EPB41L2: variants seen among roughly 807,000 people sequenced by gnomAD.
EPB41L2 encodes the protein band 4.1-like protein 2.
Under a neutral mutation model 113.0 loss-of-function variants are expected in EPB41L2, and 43 were observed. That is an observed-to-expected ratio of 0.38 (90% CI 0.30 to 0.49). The LOEUF (loss-of-function observed/expected upper bound fraction) is 0.49. EPB41L2 is among the 20% of genes least tolerant of loss of function. The pLI, the probability that EPB41L2 is intolerant of heterozygous loss-of-function variation, is 0.95. For missense variants in EPB41L2, 1,147 were observed against 1,223.4 expected (o/e 0.94, Z 0.93); for synonymous variants, 442 against 436.7 (o/e 1.01, Z -0.15).
chr6:130,934,213 A>G (rs995438599), intron 3 of EPB41L2, among the ~76,000 whole-genome samples: 7 of 152,188 alleles, frequency 4.6e-5, no homozygotes, highest in African/African-American at 1.7e-4. Flanking sequence ...AGCTGTCAAC[A>G]CATCTCTTTC....
chr6:130,944,934 C>A (rs188992015), intron 3 of EPB41L2, among the ~76,000 whole-genome samples: 1 of 152,264 alleles, frequency 6.6e-6, no homozygotes, highest in African/African-American at 2.4e-5. Flanking sequence ...TTACATGGCA[C>A]GGCAGTCTTT....
At chr6:130,847,202 T>A (rs1777312761) in intron 19 of EPB41L2, among the ~76,000 whole-genome samples, 1 of 152,186 alleles carries the variant, frequency 6.6e-6, no homozygotes, top group African/African-American at 2.4e-5. Context: ...CTCCCCAATC[T>A]CCAACTATCC....
chr6:131,012,632 T>C (rs182646912), intron 1 of EPB41L2, among the ~76,000 whole-genome samples: 6 of 151,438 alleles, frequency 4.0e-5, no homozygotes, highest in East Asian at 1.9e-4. Flanking sequence ...GAAAAGCCAA[T>C]AGATATCCCC....
Position 130,926,634 on chromosome 6 carries a change from G to C in EPB41L2, c.781C>G (p.Leu261Val). 6.2e-7 allele frequency: 1 copy of C among 1,608,802 alleles called. No individual in the cohort carries two copies. Among genetic ancestry groups the C allele is most frequent in the Non-Finnish European group, 8.5e-7 (1 of 1,178,506 alleles). Residue 261 changes from leucine to valine, a missense_variant, in exon 4 of 20, where the codon CTT (leucine) becomes GTT (valine). Leu to Val is a conservative substitution (Grantham distance 32, BLOSUM62 1). Transcript: ENST00000337057. ...TGCTCAGGGCTTTCCTGAAACAAAA[G>C]TCCAAAGTAGTCTTTCTCCAAGAGA... ...LNLLEKDYFGLLFQESPEQKN... is the reference protein window; with the variant it reads ...LNLLEKDYFGVLFQESPEQKN...
intron 1 of EPB41L2, among the ~76,000 whole-genome samples, chr6:131,037,746 G>A (rs781684648): frequency 2.0e-5 from 3 of 152,014 alleles, no homozygotes; most frequent in African/African-American, 7.2e-5. Context: ...GCGTCACCAC[G>A]CCTGACTAGT....
chr6:131,043,226 G>A (rs544708703), intron 1 of EPB41L2, among the ~76,000 whole-genome samples: 16 of 152,050 alleles, frequency 1.1e-4, no homozygotes, highest in Non-Finnish European at 2.2e-4. Context: ...GCTTGAACCC[G>A]GGATGCAGAG....
chr6:130,970,693 G>A (rs1776558859), intron 1 of EPB41L2, among the ~76,000 whole-genome samples: 2 of 151,582 alleles, frequency 1.3e-5, no homozygotes, highest in Non-Finnish European at 2.9e-5. Context: ...TTTTATTTTT[G>A]TCATTTTAAT....
intron 4 of EPB41L2, among the ~76,000 whole-genome samples, chr6:130,910,876 CAGATGCTGG>C (rs1444951931): frequency 1.3e-5 from 2 of 152,190 alleles, no homozygotes. Flanking sequence ...AGGAAAACAA[CAGATGCTGG>C]AGAGGATGTG....
At chr6:130,975,085 C>T (rs1457116319) in intron 1 of EPB41L2, among the ~76,000 whole-genome samples, 1 of 152,140 alleles carries the variant, frequency 6.6e-6, no homozygotes, top group Non-Finnish European at 1.5e-5. Flanking sequence ...GTACACAAAG[C>T]ACGTCCAGTG....
intron 10 of EPB41L2, among the ~76,000 whole-genome samples, chr6:130,892,800 G>A (rs946148885): frequency 6.6e-6 from 1 of 152,124 alleles, no homozygotes; most frequent in African/African-American, 2.4e-5. Flanking sequence ...GTTCTAAGTT[G>A]TTTCATGTGT....
intron 4 of EPB41L2, among the ~76,000 whole-genome samples, chr6:130,922,975 T>C (rs965530348): frequency 4.6e-5 from 7 of 152,188 alleles, no homozygotes; most frequent in African/African-American, 7.2e-5. Flanking sequence ...ACTTGCTCTT[T>C]CCGTAAGTTA....
At chr6:131,003,817 G>GA (rs1449226052) in intron 1 of EPB41L2, among the ~76,000 whole-genome samples, 3 of 151,966 alleles carry the variant, frequency 2.0e-5, no homozygotes, top group Non-Finnish European at 4.4e-5. Flanking sequence ...GGTTATATCG[G>GA]AAAAAAAGAG....
intron 14 of EPB41L2, chr6:130,876,635 G>A: frequency 8.3e-7 from 1 of 1,199,796 alleles, no homozygotes; most frequent in Non-Finnish European, 1.1e-6. Context: ...AGGAAAGGGG[G>A]AAAAAGCAAG....
At chr6:130,937,282 A>G (rs1809141979) in intron 3 of EPB41L2, among the ~76,000 whole-genome samples, 1 of 152,168 alleles carries the variant, frequency 6.6e-6, no homozygotes, top group Non-Finnish European at 1.5e-5. Context: ...AAACCCTAAA[A>G]TTTTTTTAAA....
chr6:130,975,439 C>A (rs1777973686), intron 1 of EPB41L2, among the ~76,000 whole-genome samples: 1 of 152,164 alleles, frequency 6.6e-6, no homozygotes, highest in Admixed American at 6.5e-5. Context: ...ATCATCCTAC[C>A]TCCTACTTTA....
intron 19 of EPB41L2, among the ~76,000 whole-genome samples, chr6:130,848,197 TCTCACACACACACACACACACA>T (rs1227386528): frequency 1.6e-5 from 2 of 127,750 alleles, no homozygotes; most frequent in African/African-American, 5.8e-5. Flanking sequence ...TCTCTCTCTC[TCTCACACACACACACACACACA>T]CACACACACA....
chr6:130,957,462 C>T (rs1000115599), intron 1 of EPB41L2, among the ~76,000 whole-genome samples: 2 of 152,192 alleles, frequency 1.3e-5, no homozygotes, highest in African/African-American at 2.4e-5. Flanking sequence ...AGAGTCCTGG[C>T]ACCCTGGACA....
chr6:130,883,431 T>C (rs536131343), intron 12 of EPB41L2, among the ~76,000 whole-genome samples: 1 of 152,326 alleles, frequency 6.6e-6, no homozygotes, highest in Non-Finnish European at 1.5e-5. Context: ...TAGTTGCAAA[T>C]AGATCCCATG....
chr6:130,872,382 G>C, intron 14 of EPB41L2: 1 of 1,288,322 alleles, frequency 7.8e-7, no homozygotes, highest in Non-Finnish European at 1.0e-6. Flanking sequence ...TCAAGCAAGT[G>C]TGAGAAGGGC....
Sources: allele counts gnomAD v4.1 joint callset (sites outside exome capture counted in the v4.1 genomes callset), GRCh38; gene constraint gnomAD v4.1.1; transcripts MANE v1.5; gene names NCBI Gene and HGNC (gene_info 2026-07-23, HGNC 2026-07-21).